MYH9: variants seen among roughly 807,000 people sequenced by gnomAD.
MYH9 encodes myosin heavy chain 9.
A neutral mutation model predicts 241.9 loss-of-function variants in MYH9; 29 were observed. That is an observed-to-expected ratio of 0.12 (90% CI 0.09 to 0.16). The LOEUF is 0.16. Among genes scored for constraint, MYH9 ranks in the 10% least tolerant of loss-of-function variants. MYH9 has a pLI of 1.00. For missense variants in MYH9, 1,803 were observed against 2,595.5 expected (o/e 0.69, Z 6.63); for synonymous variants, 1,047 against 1,062.6 (o/e 0.99, Z 0.29).
chr22:36,349,254 A>G lies in MYH9; in HGVS notation c.-18T>C. 1 of 1,612,562 alleles carries G rather than the reference A, an allele frequency of 6.2e-7. No individual in the cohort carries two copies. Among genetic ancestry groups the G allele is most frequent in the Non-Finnish European group, 8.5e-7 (1 of 1,178,848 alleles). On this transcript the variant is annotated splice_region_variant and 5_prime_UTR_variant, in exon 2 of 41. Transcript: ENST00000216181. ...TGTGCCATGGTGACTTATAGCCAGGACCTAAGCGGGGAGGAGAAGGACAAC... is the reference window on the plus strand; with the variant it reads ...TGTGCCATGGTGACTTATAGCCAGGGCCTAAGCGGGGAGGAGAAGGACAAC...
intron 10 of MYH9, 77 bp downstream of exon 10, chr22:36,319,463 G>C: frequency 1.4e-6 from 2 of 1,379,478 alleles, no homozygotes; most frequent in Non-Finnish European, 2.1e-6. Flanking sequence ...CGGAATTTCC[G>C]CAAGACCTTC....
rs375702969 is a variant in MYH9, at chr22:36,319,591, C to T, written c.1057G>A (p.Val353Ile). 4.5e-5 allele frequency: 73 copies of T among 1,614,020 alleles called. No individual in the cohort carries two copies. The highest frequency in any genetic ancestry group is 6.6e-5 in the South Asian group (6 of 91,082). ...ISGVLQLGNI[V>I]FKKERNTDQA... ...TCAGTGTTCCGCTCCTTCTTGAAGA[C>T]GATGTTGCCGAGCTGAAGAACCCCT... is the stretch of plus-strand genomic sequence containing the variant. The change falls in exon 10 of 41, where the codon GTC becomes ATC. Residue 353 changes from valine (V) to isoleucine (I), a missense_variant. Transcript: ENST00000216181.
intron 3 of MYH9, among the ~76,000 whole-genome samples, chr22:36,332,209 C>A (rs772298231): frequency 6.6e-6 from 1 of 152,238 alleles, no homozygotes; most frequent in Non-Finnish European, 1.5e-5. Flanking sequence ...ACTCTCATGA[C>A]GAGAAGCTCT....
chr22:36,296,636 T>G (rs1192334032), intron 25 of MYH9, among the ~76,000 whole-genome samples: 2 of 151,456 alleles, frequency 1.3e-5, no homozygotes, highest in Non-Finnish European at 2.9e-5. Context: ...TGACTTTTTT[T>G]CAAATTATAA....
intron 15 of MYH9, among the ~76,000 whole-genome samples, chr22:36,307,424 T>C (rs547562817): frequency 1.3e-5 from 2 of 152,318 alleles, no homozygotes; most frequent in African/African-American, 4.8e-5. Context: ...CAAGAGCTAA[T>C]GTTAAATGTG....
intron 18 of MYH9, 47 bp downstream of exon 18, chr22:36,304,986 A>T (rs772087109): frequency 1.3e-5 from 20 of 1,585,048 alleles, no homozygotes; most frequent in Middle Eastern, 1.7e-4. Context: ...CACTCCCCAG[A>T]CAAGGGGCTG....
intron 1 of MYH9, among the ~76,000 whole-genome samples, chr22:36,374,945 C>T (rs2018143715): frequency 6.6e-6 from 1 of 152,296 alleles, no homozygotes; most frequent in South Asian, 2.1e-4. Context: ...TTTACAATCT[C>T]GAAGGCTGCC....
In MYH9 at chr22:36,304,259, A is replaced by G. The variant is rs1024152671; in HGVS notation, c.2230-104T>C. 2.4e-6 allele frequency: 3 copies of G among 1,243,226 alleles called. No individual in the cohort carries two copies. The African/African-American group carries it at 4.5e-5, about 18-fold the overall frequency. 77.0% of individuals were successfully genotyped at this position (1,243,226 alleles called of 1,614,324 possible). ...AGGTGTGCCCTTCACCCTTCTTCTC[A>G]CTGGCTGACGAGCATCTGGAGAGCA... On this transcript the variant is annotated intron_variant, in intron 18 of 40. Transcript: ENST00000216181.
At chr22:36,381,034 A>G (rs2018248114) in intron 1 of MYH9, among the ~76,000 whole-genome samples, 1 of 152,166 alleles carries the variant, frequency 6.6e-6, no homozygotes, top group Admixed American at 6.6e-5. Context: ...ACATCATGGG[A>G]AGAAAACAGG....
At chr22:36,351,627 C>T (rs867497078) in intron 1 of MYH9, among the ~76,000 whole-genome samples, 2 of 152,086 alleles carry the variant, frequency 1.3e-5, no homozygotes, top group Non-Finnish European at 2.9e-5. Flanking sequence ...ACAGGCACCC[C>T]TAGGGTCCCA....
chr22:36,302,642 T>C lies in MYH9; in HGVS notation c.2425A>G (p.Met809Val). Residue 809 changes from methionine (M) to valine (V), a missense_variant, in exon 20 of 41, where the codon ATG becomes GTG. Met to Val is a conservative substitution (Grantham distance 21, BLOSUM62 1). Transcript: ENST00000216181. ...FAKRQQQLTA[M>V]KVLQRNCAAY... Reference sequence around the variant, plus strand: ...GCGCAGTTCCGCTGGAGGACCTTCATGGCGGTAAGCTGCTGCTGCCGCTTG... The same window carrying C: ...GCGCAGTTCCGCTGGAGGACCTTCACGGCGGTAAGCTGCTGCTGCCGCTTG... The C allele has an allele frequency of 6.2e-7, 1 of 1,613,542 alleles. No homozygotes were observed. The highest frequency in any genetic ancestry group is 1.3e-5 in the African/African-American group (1 of 75,078).
rs1452533167 is a variant in MYH9, at chr22:36,312,216, G to T, written c.1561C>A (p.Pro521Thr). ...CIDLIEKPAG[P>T]PGILALLDEE... Reference sequence around the variant, plus strand: ...TCCAGCAGGGCCAGAATGCCCGGGGGGCCTGCCTGGAGGAAGCGCAGCATC... The same window carrying T: ...TCCAGCAGGGCCAGAATGCCCGGGGTGCCTGCCTGGAGGAAGCGCAGCATC... The change falls in exon 14 of 41, where the codon CCC becomes ACC. Residue 521 changes from proline to threonine, a missense_variant. Physicochemically the swap from Pro to Thr is conservative, Grantham distance 38 (BLOSUM62 -1). Transcript: ENST00000216181. 6.2e-7 allele frequency: 1 copy of T among 1,613,952 alleles called. No homozygotes were observed. Among genetic ancestry groups the T allele is most frequent in the Admixed American group, 1.7e-5 (1 of 60,008 alleles).
At chr22:36,362,915 T>G (rs1603484335) in intron 1 of MYH9, among the ~76,000 whole-genome samples, 1 of 152,146 alleles carries the variant, frequency 6.6e-6, no homozygotes, top group Admixed American at 6.5e-5. Flanking sequence ...ACAGCCTTTA[T>G]AACCCCACCC....
chr22:36,326,281 A>G (rs2017333941), intron 5 of MYH9, among the ~76,000 whole-genome samples: 1 of 152,234 alleles, frequency 6.6e-6, no homozygotes, highest in Non-Finnish European at 1.5e-5. Context: ...GAGGACACAC[A>G]GCAACGAGCT....
Position 36,296,767 on chromosome 22 carries a change from G to A in MYH9, c.3272+76C>T, listed in dbSNP as rs9622372. On this transcript the variant is annotated intron_variant, in intron 25 of 40. Coordinates refer to ENST00000216181, the MANE Select transcript of MYH9 (RefSeq NM_002473.6). ...AGAATGCTCACAGCTCACTAGTGCC[G>A]AGAACTAGGGCCAGCAGCAAGCAGG... is the stretch of plus-strand genomic sequence containing the variant. 21,087 of 1,470,768 alleles carry A rather than the reference G, an allele frequency of 0.014. 258 individuals carry two copies. Among genetic ancestry groups the A allele is most frequent in the Middle Eastern group, 0.065 (262 of 4,054 alleles). 91.1% of individuals were successfully genotyped at this position (1,470,768 alleles called of 1,614,324 possible). A position where few individuals can be genotyped will look rare whatever the true frequency, so the allele number is the denominator to read the frequency against.
chr22:36,345,911 G>A (rs938193453), intron 2 of MYH9, among the ~76,000 whole-genome samples: 5 of 152,212 alleles, frequency 3.3e-5, no homozygotes, highest in Non-Finnish European at 5.9e-5. Context: ...CACTTTGGGA[G>A]GACGAGGTGG....
chr22:36,301,406 T>C (rs1332507820), intron 21 of MYH9, 128 bp downstream of exon 21: 12 of 1,282,566 alleles, frequency 9.4e-6, no homozygotes, highest in Middle Eastern at 2.1e-4. Flanking sequence ...TTTACAGTAA[T>C]AGGAAACTCA....
At position 36,298,223 on chromosome 22, in the gene MYH9, C is replaced by T. The variant is rs2016818332; in HGVS notation, c.3100+696G>A. On this transcript the variant is annotated intron_variant, in intron 24 of 40. Coordinates refer to ENST00000216181, the MANE Select transcript of MYH9 (RefSeq NM_002473.6). ...TCCCCTGGGTATGAGCTCAGAGTTC[C>T]CAGAGTAGTCGGGGTTCCCCTGTTC... Among the ~76,000 whole-genome samples the T allele has an allele frequency of 6.6e-5, 10 of 152,214 alleles. 1 individual carries two copies. In the South Asian group the frequency reaches 2.1e-3, roughly 32 times the overall value.
At chr22:36,296,707 A>T (rs536838270) in intron 25 of MYH9, 136 bp downstream of exon 25, 3 of 1,015,560 alleles carry the variant, frequency 3.0e-6, no homozygotes, top group Non-Finnish European at 2.8e-6. Flanking sequence ...CTGTTTTGCT[A>T]TGAAATAAAT....
Sources: gnomAD v4.1 joint callset for allele counts (sites outside exome capture counted in the v4.1 genomes callset) on GRCh38, gnomAD v4.1.1 for gene constraint, MANE v1.5 for transcripts, NCBI Gene and HGNC (gene_info 2026-07-23, HGNC 2026-07-21) for gene names.